Variants in RBFOX1 observed in about 807,000 individuals in gnomAD.
RBFOX1 encodes RNA binding protein fox-1 homolog 1.
Under a neutral mutation model 57.7 loss-of-function variants are expected in RBFOX1, and 8 were observed. The ratio of observed to expected loss-of-function variants is 0.14; its 90% CI spans 0.08 to 0.25. The LOEUF is 0.25. Ranked by LOEUF, RBFOX1 falls within the 10% of genes least tolerant of loss-of-function variation. The probability of loss-of-function intolerance (pLI) is 1.00; values close to 1 mark genes in which losing one functional copy is unlikely to be tolerated. For synonymous variants in RBFOX1, 326 were observed against 222.4 expected, an observed-to-expected ratio of 1.47 and a Z score of -4.15; for missense variants, 611 against 548.5, an observed-to-expected ratio of 1.11 and a Z score of -1.14.
At chr16:7,251,645 C>A (rs528095550) in intron 4 of RBFOX1, among the ~76,000 whole-genome samples, 47 of 152,212 alleles carry the variant, frequency 3.1e-4, no homozygotes, top group Admixed American at 1.2e-3. Flanking sequence ...GTCTTGAACT[C>A]CTGACCTCAA....
intron 4 of RBFOX1, among the ~76,000 whole-genome samples, chr16:7,368,483 T>A (rs2097505144): frequency 1.3e-5 from 2 of 150,832 alleles, no homozygotes; most frequent in Admixed American, 6.6e-5. Flanking sequence ...TAATTCACTT[T>A]AAAAAAAAAT....
At chr16:7,446,975 G>C (rs994528871) in intron 4 of RBFOX1, among the ~76,000 whole-genome samples, 1 of 151,040 alleles carries the variant, frequency 6.6e-6, no homozygotes, top group Admixed American at 6.6e-5. Context: ...ACCACACCTG[G>C]CTAATATTTT....
At chr16:6,029,791 A>AAAG (rs1555478561) in intron 1 of RBFOX1, among the ~76,000 whole-genome samples, 4 of 149,044 alleles carry the variant, frequency 2.7e-5, no homozygotes, top group South Asian at 4.3e-4. Flanking sequence ...AAAAAAAAAA[A>AAAG]GGGGAAAGAA....
intron 1 of RBFOX1, among the ~76,000 whole-genome samples, chr16:6,074,665 A>G (rs116355718): frequency 0.011 from 1,653 of 152,336 alleles, 31 homozygotes; most frequent in African/African-American, 0.037. Flanking sequence ...CCAGGAAGTC[A>G]AGTGAGGGTC....
chr16:5,727,570 G>A (rs769513750), intron 3 of RBFOX1, among the ~76,000 whole-genome samples: 10 of 151,990 alleles, frequency 6.6e-5, no homozygotes, highest in Admixed American at 2.0e-4. Context: ...ATGTATATCC[G>A]GTCTCCAGAA....
intron 3 of RBFOX1, among the ~76,000 whole-genome samples, chr16:6,684,099 A>G (rs1405801796): frequency 3.9e-5 from 6 of 152,214 alleles, no homozygotes; most frequent in African/African-American, 1.4e-4. Context: ...GTTCAAGCAG[A>G]GAAAATAGCA....
intron 4 of RBFOX1, among the ~76,000 whole-genome samples, chr16:5,902,055 A>T (rs1198690529): frequency 6.6e-6 from 1 of 152,202 alleles, no homozygotes; most frequent in African/African-American, 2.4e-5. Flanking sequence ...ATGGGGTTCA[A>T]TGCATGTTTC....
In RBFOX1 at chr16:7,607,301, A is replaced by G. The variant is rs1389267525; in HGVS notation, c.639A>G (p.Pro213=). The change falls in exon 10 of 16, where the codon CCA becomes CCG. Residue 213 remains proline, a synonymous_variant. Transcript: ENST00000550418. ...TGTTTTAAGGCTGGAAATTGAATCC[A>G]GTTGTGGGTGCAGTCTACAGTCCCG... The part of the protein sequence containing the change: ...NPYTNGWKLN[P]VVGAVYSPEF... The G allele has an allele frequency of 6.2e-6, 10 of 1,610,338 alleles. No homozygotes were observed. Among genetic ancestry groups the G allele is most frequent in the African/African-American group, 1.3e-5 (1 of 74,916 alleles).
chr16:7,692,030 C>G (rs995022486), intron 14 of RBFOX1, among the ~76,000 whole-genome samples: 3 of 152,098 alleles, frequency 2.0e-5, no homozygotes, highest in Non-Finnish European at 1.5e-5. Context: ...GTCAAATATT[C>G]AACCAAAATA....
At chr16:6,814,968 C>T (rs969643687) in intron 3 of RBFOX1, among the ~76,000 whole-genome samples, 6 of 152,144 alleles carry the variant, frequency 3.9e-5, no homozygotes, top group Non-Finnish European at 8.8e-5. Context: ...GTTCTACAGG[C>T]AGAGCAGTGG....
intron 3 of RBFOX1, among the ~76,000 whole-genome samples, chr16:6,892,812 CT>C (rs2065832956): frequency 9.8e-6 from 1 of 101,718 alleles, no homozygotes; most frequent in South Asian, 3.0e-4. Context: ...CTCTCTCTCT[CT>C]CTCTCTCTCT....
At position 6,423,197 on chromosome 16, in the gene RBFOX1, C is replaced by T. The variant is rs544817234; in HGVS notation, c.-64+106140C>T. Among the ~76,000 whole-genome samples, 148 of 152,342 alleles carry T rather than the reference C, an allele frequency of 9.7e-4. 1 individual carries two copies. The highest frequency in any genetic ancestry group is 1.2e-3 in the Non-Finnish European group (84 of 68,036). On this transcript the variant is annotated intron_variant, in intron 2 of 15. Coordinates refer to ENST00000550418, the MANE Select transcript of RBFOX1 (RefSeq NM_018723.4). ...GTCAACACCCAACTTTCTCTGATAA[C>T]AATACAGTGTTTGTTGTATCTGACC...
intron 3 of RBFOX1, among the ~76,000 whole-genome samples, chr16:6,849,282 A>G (rs1432423732): frequency 6.6e-6 from 1 of 152,222 alleles, no homozygotes; most frequent in South Asian, 2.1e-4. Flanking sequence ...TAGCTCCTGC[A>G]ATATTCTGCT....
In RBFOX1 at chr16:5,920,298, G is replaced by A. The variant is rs185904273; in HGVS notation, c.351+52963G>A. Reference sequence around the variant, plus strand: ...TCACTCAGTCTTATTCCTTTTTATTGTACATTACCCATATAATTGTATGTA... The same window carrying A: ...TCACTCAGTCTTATTCCTTTTTATTATACATTACCCATATAATTGTATGTA... On this transcript the variant is annotated intron_variant, in intron 4 of 19. Coordinates refer to the RBFOX1 transcript ENST00000641259. Among the ~76,000 whole-genome samples, 238 of 152,082 alleles carry A rather than the reference G, an allele frequency of 1.6e-3. 3 individuals are homozygous for A. The highest frequency in any genetic ancestry group is 5.4e-3 in the African/African-American group (222 of 41,484).
intron 3 of RBFOX1, among the ~76,000 whole-genome samples, chr16:6,805,320 C>G (rs1194744080): frequency 6.6e-6 from 1 of 152,112 alleles, no homozygotes; most frequent in Admixed American, 6.6e-5. Context: ...TTCTCACTTA[C>G]AAGTGGGAAT....
At chr16:7,611,783 C>A (rs147173757) in intron 10 of RBFOX1, among the ~76,000 whole-genome samples, 1 of 152,034 alleles carries the variant, frequency 6.6e-6, no homozygotes, top group East Asian at 1.9e-4. Context: ...GCATTGAGAA[C>A]GTTCTAATGT....
intron 2 of RBFOX1, among the ~76,000 whole-genome samples, chr16:6,342,108 A>ATTGCAACTATCCTG (rs1322396311): frequency 1.3e-5 from 2 of 152,186 alleles, no homozygotes; most frequent in Non-Finnish European, 2.9e-5. Context: ...TCAAACAGGA[A>ATTGCAACTATCCTG]TTGGCAAACT....
At chr16:7,239,667 T>C (rs926150156) in intron 4 of RBFOX1, among the ~76,000 whole-genome samples, 1 of 152,172 alleles carries the variant, frequency 6.6e-6, no homozygotes, top group Admixed American at 6.5e-5. Flanking sequence ...CTCATTTGTC[T>C]TATATTAGAT....
chr16:5,871,346 A>G (rs1034185026), intron 4 of RBFOX1, among the ~76,000 whole-genome samples: 1 of 152,210 alleles, frequency 6.6e-6, no homozygotes, highest in African/African-American at 2.4e-5. Flanking sequence ...ACATAATATA[A>G]CAGATAAATG....
Sources: gnomAD v4.1 joint callset for allele counts (sites outside exome capture counted in the v4.1 genomes callset) on GRCh38, gnomAD v4.1.1 for gene constraint, MANE v1.5 for transcripts, NCBI Gene and HGNC (gene_info 2026-07-23, HGNC 2026-07-21) for gene names.